PGR: variants seen among roughly 807,000 people sequenced by gnomAD.
The protein encoded by PGR is progesterone receptor, also known as nuclear receptor subfamily 3 group C member 3.
Under a neutral mutation model 76.1 loss-of-function variants are expected in PGR, and 25 were observed. The ratio of observed to expected loss-of-function variants is 0.33; its 90% confidence interval spans 0.24 to 0.46. The LOEUF (loss-of-function observed/expected upper bound fraction) is 0.46. PGR is among the 20% of genes least tolerant of loss of function. The pLI, the probability that PGR is intolerant of heterozygous loss-of-function variation, is 1.00. For missense variants in PGR, 1,172 were observed against 1,225.3 expected, an observed-to-expected ratio of 0.96 and a Z score of 0.65; for synonymous variants, 579 against 535.0, an observed-to-expected ratio of 1.08 and a Z score of -1.14.
At chr11:101,121,327 C>T (rs1468361641) in intron 2 of PGR, among the ~76,000 whole-genome samples, 2 of 152,112 alleles carry the variant, frequency 1.3e-5, no homozygotes, top group Non-Finnish European at 2.9e-5. Context: ...ATGATCTGTG[C>T]ACTACAAAAG....
chr11:101,044,776 AG>A (rs1220437178), intron 6 of PGR, among the ~76,000 whole-genome samples: 1 of 138,096 alleles, frequency 7.2e-6, no homozygotes, highest in African/African-American at 2.8e-5. Context: ...GCACAATCTC[AG>A]GTCACTGCAA....
intron 7 of PGR, 166 bp downstream of exon 7, chr11:101,041,779 G>GA (rs61351396): frequency 0.1 from 60,820 of 597,030 alleles, 3,238 homozygotes; most frequent in African/African-American, 0.25. Context: ...TATTGAAAAT[G>GA]AAAAAAAAAC....
chr11:101,096,191 A>C (rs1253715688), intron 2 of PGR, among the ~76,000 whole-genome samples: 1 of 152,204 alleles, frequency 6.6e-6, no homozygotes, highest in African/African-American at 2.4e-5. Context: ...TTTAATAATT[A>C]AGGGCACTGG....
chr11:101,085,556 A>G (rs1342577781), intron 3 of PGR, among the ~76,000 whole-genome samples: 1 of 149,952 alleles, frequency 6.7e-6, no homozygotes, highest in Non-Finnish European at 1.5e-5. Context: ...AAAAACAAGA[A>G]CAAACTATCC....
intron 3 of PGR, among the ~76,000 whole-genome samples, chr11:101,067,857 G>C (rs1860775768): frequency 6.6e-6 from 1 of 151,904 alleles, no homozygotes; most frequent in African/African-American, 2.4e-5. Flanking sequence ...AATATACATA[G>C]CATTTCTATG....
At chr11:101,081,034 AAAAC>A (rs1861289305) in intron 3 of PGR, among the ~76,000 whole-genome samples, 2 of 152,352 alleles carry the variant, frequency 1.3e-5, no homozygotes, top group Non-Finnish European at 2.9e-5. Context: ...GGAGAAAAAG[AAAAC>A]AAACTGGAAA....
At chr11:101,051,004 T>C (rs1393992625) in intron 5 of PGR, 1 of 217,930 alleles carries the variant, frequency 4.6e-6, no homozygotes, top group South Asian at 5.8e-5. Flanking sequence ...ATTAAAATTA[T>C]TTAAATATAA....
At position 101,103,648 on chromosome 11, in the gene PGR, T is replaced by G. The variant is rs945483144; in HGVS notation, c.1790-11772A>C. ...GATGGAATTTTTGCCAATCTCAGCA[T>G]TTAGTACTCAAAGAGGAAATCTAAT... On this transcript the variant is annotated intron_variant, in intron 2 of 7. Coordinates refer to ENST00000325455, the MANE Select transcript of PGR (RefSeq NM_000926.4). 4.5e-4 allele frequency among the ~76,000 whole-genome samples: 69 copies of G among 152,190 alleles called. 1 individual carries two copies. Among genetic ancestry groups the G allele is most frequent in the African/African-American group, 1.6e-3 (67 of 41,458 alleles).
In PGR at chr11:101,128,405, C is replaced by G; in HGVS notation, c.666G>C (p.Glu222Asp). ...CCTCGGACTCAGAGCCATCCTCCTC[C>G]TCAACCTCCACCGCAGCGGCCTGCG... ...PSPQAAAVEV[E>D]EEDGSESEES... is the part of the protein sequence containing the mutation. The change falls in exon 1 of 8, where the codon GAG becomes GAC. Residue 222 changes from glutamate to aspartate, a missense_variant. Physicochemically the swap from Glu to Asp is conservative, Grantham distance 45. Coordinates refer to ENST00000325455, the MANE Select transcript of PGR (RefSeq NM_000926.4). 1 of 1,610,624 alleles carries G rather than the reference C, an allele frequency of 6.2e-7. No homozygotes were observed. Among genetic ancestry groups the G allele is most frequent in the Non-Finnish European group, 8.5e-7 (1 of 1,179,860 alleles).
chr11:101,122,213 A>C (rs1862703086), intron 2 of PGR, among the ~76,000 whole-genome samples: 1 of 151,614 alleles, frequency 6.6e-6, no homozygotes, highest in Non-Finnish European at 1.5e-5. Context: ...TTCAATACCT[A>C]CTTAGCTTAG....
At chr11:101,071,818 T>C (rs1433919804) in intron 3 of PGR, among the ~76,000 whole-genome samples, 2 of 151,970 alleles carry the variant, frequency 1.3e-5, no homozygotes, top group Non-Finnish European at 2.9e-5. Context: ...CCAAGAAATA[T>C]GGGACTATGT....
chr11:101,111,452 T>A (rs520017), intron 2 of PGR, among the ~76,000 whole-genome samples: 1 of 152,120 alleles, frequency 6.6e-6, no homozygotes, highest in African/African-American at 2.4e-5. Flanking sequence ...CTATTCCCCA[T>A]TGCTTCTAGA....
At chr11:101,079,015 T>C (rs1861218167) in intron 3 of PGR, among the ~76,000 whole-genome samples, 1 of 152,058 alleles carries the variant, frequency 6.6e-6, no homozygotes, top group Non-Finnish European at 1.5e-5. Context: ...AAAGGTGCCA[T>C]GGATATACAT....
chr11:101,113,922 A>T (rs767204995), intron 2 of PGR, among the ~76,000 whole-genome samples: 1 of 152,052 alleles, frequency 6.6e-6, no homozygotes, highest in Non-Finnish European at 1.5e-5. Context: ...TAGTACATAG[A>T]GAGGTTCAGT....
chr11:101,057,047 GGTTAGA>G (rs1860321017), intron 4 of PGR, among the ~76,000 whole-genome samples: 1 of 152,168 alleles, frequency 6.6e-6, no homozygotes, highest in Non-Finnish European at 1.5e-5. Context: ...TTAGGATCAA[GGTTAGA>G]AAGATGCTGT....
chr11:101,081,613 T>C (rs559636081), intron 3 of PGR, among the ~76,000 whole-genome samples: 14 of 152,284 alleles, frequency 9.2e-5, no homozygotes, highest in Admixed American at 2.6e-4. Flanking sequence ...TTTTCAGCGT[T>C]CTTAAAAGAA....
At chr11:101,117,573 C>A (rs1391032083) in intron 2 of PGR, among the ~76,000 whole-genome samples, 1 of 151,906 alleles carries the variant, frequency 6.6e-6, no homozygotes, top group Admixed American at 6.6e-5. Flanking sequence ...TAAATACATA[C>A]CTCCATCATC....
chr11:101,033,226 T>C lies in PGR; in HGVS notation c.*5890A>G, dbSNP rs1859405308. ...GAAAATCTCTTCCTATCCCTAATCA[T>C]AGCAAATTCAGGGCTTACTAGTTTA... is the stretch of plus-strand genomic sequence containing the variant. On this transcript the variant is annotated 3_prime_UTR_variant, in exon 8 of 8. Transcript: ENST00000325455. The C allele has an allele frequency of 9.7e-6, 2 of 207,196 alleles. No homozygotes were observed. Among genetic ancestry groups the C allele is most frequent in the Admixed American group, 5.9e-5 (1 of 16,848 alleles). The allele number at this position is 207,196 out of a possible 1,614,324, so 12.8% of individuals were successfully genotyped here.
At chr11:101,083,288 T>C (rs1473510790) in intron 3 of PGR, among the ~76,000 whole-genome samples, 3 of 152,228 alleles carry the variant, frequency 2.0e-5, no homozygotes, top group African/African-American at 7.2e-5. Flanking sequence ...TGGAAATGCC[T>C]GGATGTCCAG....
Sources: gnomAD v4.1 joint callset for allele counts (sites outside exome capture counted in the v4.1 genomes callset) on GRCh38, gnomAD v4.1.1 for gene constraint, MANE v1.5 for transcripts, NCBI Gene and HGNC (gene_info 2026-07-23, HGNC 2026-07-21) for gene names.